The following FCAR variants were observed in gnomAD, a reference collection of about 807,000 sequenced individuals.
FCAR encodes immunoglobulin alpha Fc receptor.
Under a neutral mutation model 27.1 loss-of-function variants are expected in FCAR, and 21 were observed. The ratio of observed to expected loss-of-function variants is 0.77; its 90% CI spans 0.55 to 1.11. The LOEUF (loss-of-function observed/expected upper bound fraction) is 1.11. FCAR is among the 50% of genes most tolerant of loss of function. FCAR has a pLI of 0.00. For synonymous variants in FCAR, 134 were observed against 135.8 expected (o/e 0.99, Z 0.09); for missense variants, 404 against 358.4 (o/e 1.13, Z -1.03).
chr19:54,879,976 C>T (rs113412262), intron 2 of FCAR, among the ~76,000 whole-genome samples: 5,705 of 152,302 alleles, frequency 0.037, 170 homozygotes, highest in South Asian at 0.15. Flanking sequence ...TGAGCCACCG[C>T]GCCCGGCCGA....
In FCAR at chr19:54,888,045, C is replaced by G. The variant is rs756843946; in HGVS notation, c.400C>G (p.Leu134Val). ...ACCCTTCCTCTCTGCAGATCGGGGTCTGGTGTTGATGCCAGGAGAGAATAT... is the reference window on the plus strand; with the variant it reads ...ACCCTTCCTCTCTGCAGATCGGGGTGTGGTGTTGATGCCAGGAGAGAATAT... ...GKPFLSADRG[L>V]VLMPGENISL... Residue 134 changes from leucine to valine, a missense_variant, in exon 4 of 5, where the codon CTG (leucine) becomes GTG (valine). Physicochemically the swap from Leu to Val is conservative, Grantham distance 32 (BLOSUM62 1). Transcript: ENST00000355524. 3 of 1,614,116 alleles carry G rather than the reference C, an allele frequency of 1.9e-6. No homozygotes were observed. In the East Asian group the frequency reaches 6.7e-5, roughly 36 times the overall value.
chr19:54,875,511 T>C, intron 2 of FCAR, 146 bp downstream of exon 2: 1 of 729,386 alleles, frequency 1.4e-6, no homozygotes, highest in Non-Finnish European at 2.4e-6. Context: ...ATAATTTCTA[T>C]CTCACTTTGT....
At chr19:54,885,088 G>A (rs1376980921) in intron 2 of FCAR, 147 bp from the exon 3 acceptor site, 11 of 670,864 alleles carry the variant, frequency 1.6e-5, no homozygotes, top group Non-Finnish European at 2.7e-5. Context: ...ATACAGGCGT[G>A]AGCTACCGCA....
chr19:54,877,819 A>G (rs942116777), intron 2 of FCAR, among the ~76,000 whole-genome samples: 1 of 152,012 alleles, frequency 6.6e-6, no homozygotes, highest in Admixed American at 6.6e-5. Context: ...AGACTGCTTA[A>G]TTTCCATGCA....
intron 4 of FCAR, among the ~76,000 whole-genome samples, chr19:54,889,440 C>T (rs1037229343): frequency 6.6e-6 from 1 of 151,688 alleles, no homozygotes; most frequent in South Asian, 2.1e-4. Flanking sequence ...TATAGCACTT[C>T]CCTGGGAAGC....
At position 54,889,829 on chromosome 19, in the gene FCAR, T is replaced by G; in HGVS notation, c.830T>G (p.Leu277Trp). The G allele has an allele frequency of 6.2e-7, 1 of 1,608,310 alleles. No homozygotes were observed. The highest frequency in any genetic ancestry group is 8.5e-7 in the Non-Finnish European group (1 of 1,179,994). ...AGCCAACAGATGTGTCAGCCAGGAT[T>G]GACCTTTGCACGAACACCAAGTGTC... ...SWSQQMCQPG[L>W]TFARTPSVCK Residue 277 changes from leucine (L) to tryptophan (W), a missense_variant, in exon 5 of 5, where the codon TTG becomes TGG. Transcript: ENST00000355524.
intron 3 of FCAR, among the ~76,000 whole-genome samples, chr19:54,886,662 G>A (rs1039213196): frequency 2.0e-5 from 3 of 152,000 alleles, no homozygotes; most frequent in Non-Finnish European, 4.4e-5. Context: ...CCAAAGTGCT[G>A]GGATTCCAGG....
At position 54,889,758 on chromosome 19, in the gene FCAR, G is replaced by C; in HGVS notation, c.759G>C (p.Thr253=). Residue 253 remains threonine, a synonymous_variant, in exon 5 of 5, where the codon ACG becomes ACC. Coordinates refer to ENST00000355524, the MANE Select transcript of FCAR (RefSeq NM_002000.4). ...TGGTTGAAAATTGGCACAGCCATAC[G>C]GCACTGAACAAGGAAGCCTCGGCAG... is the stretch of plus-strand genomic sequence containing the variant. ...AILVENWHSH[T]ALNKEASADV... 6.2e-7 allele frequency: 1 copy of C among 1,613,968 alleles called. No individual in the cohort carries two copies. The highest frequency in any genetic ancestry group is 8.5e-7 in the Non-Finnish European group (1 of 1,179,974).
At chr19:54,881,654 C>T (rs1252406716) in intron 2 of FCAR, among the ~76,000 whole-genome samples, 2 of 151,962 alleles carry the variant, frequency 1.3e-5, no homozygotes, top group African/African-American at 4.8e-5. Context: ...GGGCGGATCA[C>T]GAGGTCGGGA....
rs867681513 is a variant in FCAR at position 54,890,778 on chromosome 19, G to A, written c.*915G>A. 3.9e-5 allele frequency: 6 copies of A among 152,076 alleles called. No individual in the cohort carries two copies. The highest frequency in any genetic ancestry group is 8.8e-5 in the Non-Finnish European group (6 of 68,036). The allele number at this position is 152,076 out of a possible 1,614,324, so 9.4% of individuals were successfully genotyped here. ...TTCCCCAAATATAAATGGTTGGTAAGCATGCCAAATATATTCAATAACCCC... is the reference window on the plus strand; with the variant it reads ...TTCCCCAAATATAAATGGTTGGTAAACATGCCAAATATATTCAATAACCCC... On this transcript the variant is annotated 3_prime_UTR_variant, in exon 5 of 5. Transcript: ENST00000355524.
At position 54,889,775 on chromosome 19, in the gene FCAR, C is replaced by A; in HGVS notation, c.776C>A (p.Ala259Asp). 6.2e-7 allele frequency: 1 copy of A among 1,613,806 alleles called. No individual in the cohort carries two copies. Among genetic ancestry groups the A allele is most frequent in the Non-Finnish European group, 8.5e-7 (1 of 1,180,004 alleles). ...AGCCATACGGCACTGAACAAGGAAG[C>A]CTCGGCAGATGTGGCTGAACCGAGC... ...WHSHTALNKE[A>D]SADVAEPSWS... is the part of the protein sequence containing the mutation. The change falls in exon 5 of 5, where the codon GCC (alanine) becomes GAC (aspartate). Residue 259 changes from alanine (A) to aspartate (D), a missense_variant. Transcript: ENST00000355524.
chr19:54,886,297 CTTTATTT>C (rs1184606447), intron 3 of FCAR, among the ~76,000 whole-genome samples: 2 of 80,088 alleles, frequency 2.5e-5, no homozygotes, highest in Admixed American at 1.6e-4. Flanking sequence ...TGTCATGTAT[CTTTATTT>C]TTTTTTTTTT....
At chr19:54,880,731 T>C (rs1279389501) in intron 2 of FCAR, 2 of 152,204 alleles carry the variant, frequency 1.3e-5, no homozygotes, top group Admixed American at 6.5e-5. Flanking sequence ...AACCGTGATG[T>C]AATTTGAGCA....
rs573817114 is a variant in FCAR, at chr19:54,874,998, G to A, written c.35-332G>A. ...ATCCTGGCCAACATGGTGAAACCCT[G>A]TCTCTACTAAAAATACAAAAAAATT... On this transcript the variant is annotated intron_variant, in intron 1 of 4. Coordinates refer to ENST00000355524, the MANE Select transcript of FCAR (RefSeq NM_002000.4). 3.7e-4 allele frequency among the ~76,000 whole-genome samples: 57 copies of A among 152,174 alleles called. No individual in the cohort carries two copies. The East Asian group carries it at 0.011, about 29-fold the overall frequency.
chr19:54,876,792 G>C (rs1014638303), intron 2 of FCAR, among the ~76,000 whole-genome samples: 1 of 152,098 alleles, frequency 6.6e-6, no homozygotes, highest in East Asian at 1.9e-4. Flanking sequence ...GTGGTGGTGG[G>C]CACCTGTAGT....
chr19:54,889,810 C>T lies in FCAR; in HGVS notation c.811C>T (p.Gln271Ter). The T allele has an allele frequency of 1.2e-6, 2 of 1,611,150 alleles. No homozygotes were observed. The highest frequency in any genetic ancestry group is 1.7e-5 in the Admixed American group (1 of 60,016). ...ADVAEPSWSQ[Q>*]MCQPGLTFAR... ...TGTGGCTGAACCGAGCTGGAGCCAA[C>T]AGATGTGTCAGCCAGGATTGACCTT... Residue 271 changes from glutamine to a stop codon, truncating the protein, a stop_gained, in exon 5 of 5, where the codon CAG (glutamine) becomes TAG (stop). Transcript: ENST00000355524. LOFTEE classifies it high-confidence loss of function.
In FCAR at chr19:54,885,352, T is replaced by TA; in HGVS notation, c.194dup (p.Asn65LysfsTer16). 6.2e-7 allele frequency: 1 copy of TA among 1,614,002 alleles called. No individual in the cohort carries two copies. The highest frequency in any genetic ancestry group is 8.5e-7 in the Non-Finnish European group (1 of 1,179,990). On this transcript the variant is annotated frameshift_variant, in exon 3 of 5. Coordinates refer to ENST00000355524, the MANE Select transcript of FCAR (RefSeq NM_002000.4). LOFTEE classifies it high-confidence loss of function. The stretch of plus-strand genomic sequence containing the variant: ...GCTTACCTGACCCAGCTGATGATCA[T>TA]AAAAAACTCCACGTACCGAGAGATA...
intron 2 of FCAR, among the ~76,000 whole-genome samples, chr19:54,876,196 T>C (rs2066080986): frequency 6.6e-6 from 1 of 152,264 alleles, no homozygotes; most frequent in Non-Finnish European, 1.5e-5. Flanking sequence ...CCTGGAACTT[T>C]GCTAAAGTTG....
intron 2 of FCAR, among the ~76,000 whole-genome samples, chr19:54,881,835 C>T (rs891918093): frequency 6.6e-6 from 1 of 152,058 alleles, no homozygotes; most frequent in Admixed American, 6.5e-5. Flanking sequence ...GAGCCGAGAT[C>T]GGGCCACTGC....
Sources: gnomAD v4.1 joint callset for allele counts (sites outside exome capture counted in the v4.1 genomes callset) on GRCh38, gnomAD v4.1.1 for gene constraint, MANE v1.5 for transcripts, NCBI Gene and HGNC (gene_info 2026-07-23, HGNC 2026-07-21) for gene names.